Variants in L3HYPDH observed in about 807,000 individuals in gnomAD.
L3HYPDH encodes trans-3-hydroxy-L-proline dehydratase.
A neutral mutation model predicts 26.5 loss-of-function variants in L3HYPDH; 32 were observed. That is an observed-to-expected ratio of 1.21 (90% CI 0.91 to 1.62). The LOEUF is 1.62. Ranked by LOEUF, L3HYPDH falls within the 40% of genes most tolerant of loss-of-function variation. The probability of loss-of-function intolerance (pLI) is 0.00; values close to 1 mark genes in which losing one functional copy is unlikely to be tolerated. For missense variants in L3HYPDH, 554 were observed against 476.4 expected (o/e 1.16, Z -1.52); for synonymous variants, 215 against 196.6 (o/e 1.09, Z -0.78).
At chr14:59,492,853 G>A in the L3HYPDH span, among the ~76,000 whole-genome samples, 41 of 148,822 alleles carry the variant, frequency 2.8e-4, no homozygotes, top group Admixed American at 2.5e-3. Context: ...GCTGGAGTGC[G>A]GTGGTGCGAC....
the L3HYPDH span, among the ~76,000 whole-genome samples, chr14:59,495,557 G>A: frequency 1.3e-5 from 2 of 152,040 alleles, no homozygotes; most frequent in African/African-American, 4.8e-5. Context: ...CCAAATAAGT[G>A]TAATTTCTGT....
downstream of L3HYPDH, among the ~76,000 whole-genome samples, chr14:59,469,563 A>T (rs1382033770): frequency 1.8e-4 from 5 of 28,304 alleles, no homozygotes; most frequent in South Asian, 2.3e-3. Flanking sequence ...CTCATTAAAA[A>T]AAAAAAAAAA....
downstream of L3HYPDH, among the ~76,000 whole-genome samples, chr14:59,469,902 T>G (rs1889271690): frequency 6.6e-6 from 1 of 152,056 alleles, no homozygotes; most frequent in Non-Finnish European, 1.5e-5. Context: ...AATGTGACAA[T>G]TTAAGGACAG....
Position 59,473,016 on chromosome 14 carries a change from G to C in L3HYPDH, c.1014C>G (p.Ser338Arg), listed in dbSNP as rs1889369908. ...ATGGGTCGTCATCTTCTATTATAAA[G>C]CTTGCTGTACCCGTGTAATGGGCTT... ...SGQAHYTGTA[S>R]FIIEDDDPLR... The change falls in exon 5 of 5, where the codon AGC becomes AGG. Residue 338 changes from serine (S) to arginine (R), a missense_variant. Ser to Arg is a moderately radical substitution (Grantham distance 110). Coordinates refer to ENST00000247194, the MANE Select transcript of L3HYPDH (RefSeq NM_144581.2). The C allele has an allele frequency of 1.2e-6, 2 of 1,608,880 alleles. No individual in the cohort carries two copies. Among genetic ancestry groups the C allele is most frequent in the Non-Finnish European group, 1.7e-6 (2 of 1,177,954 alleles).
At chr14:59,504,617 A>G in the L3HYPDH span, 1,019 of 152,902 alleles carry the variant, frequency 6.7e-3, 7 homozygotes, top group Admixed American at 0.012. Flanking sequence ...AATAATTTAT[A>G]TAACAGGTTT....
At chr14:59,498,825 C>G in the L3HYPDH span, 3 of 1,612,712 alleles carry the variant, frequency 1.9e-6, no homozygotes, top group Non-Finnish European at 2.5e-6. Context: ...TTAGGGAAAT[C>G]TGATCGATTT....
chr14:59,490,839 C>A, the L3HYPDH span, among the ~76,000 whole-genome samples: 1 of 152,026 alleles, frequency 6.6e-6, no homozygotes, highest in African/African-American at 2.4e-5. Context: ...GTTCTCAGCC[C>A]ACAGTAAAGA....
intron 4 of L3HYPDH, 94 bp from the exon 5 acceptor site, chr14:59,473,184 A>G (rs142753429): frequency 5.7e-6 from 7 of 1,222,148 alleles, no homozygotes; most frequent in Non-Finnish European, 7.9e-6. Context: ...CATGTGAAGG[A>G]AAGGCCAAGG....
At chr14:59,484,949 G>A, upstream of L3HYPDH, 2 of 1,505,952 alleles carry the variant, frequency 1.3e-6, no homozygotes, top group East Asian at 2.3e-5. Context: ...GCAGAAGCAA[G>A]TTGCTGCATA....
the L3HYPDH span, among the ~76,000 whole-genome samples, chr14:59,502,505 C>T: frequency 6.6e-6 from 1 of 152,052 alleles, no homozygotes; most frequent in Non-Finnish European, 1.5e-5. Context: ...TGGGGGAAAA[C>T]ATCTAGGAAT....
intron 2 of L3HYPDH, among the ~76,000 whole-genome samples, chr14:59,476,820 A>C (rs989210985): frequency 6.6e-6 from 1 of 152,198 alleles, no homozygotes; most frequent in Non-Finnish European, 1.5e-5. Flanking sequence ...GCACACAAAG[A>C]AGCAGGCACT....
At chr14:59,489,882 C>G in the L3HYPDH span, among the ~76,000 whole-genome samples, 1 of 37,432 alleles carries the variant, frequency 2.7e-5, no homozygotes, top group Non-Finnish European at 4.8e-5. Flanking sequence ...GGAGGTACCT[C>G]TTTCTTTCAT....
At chr14:59,502,773 T>TTTTTGTTTTTTTTTTTTTTTTTTG in the L3HYPDH span, among the ~76,000 whole-genome samples, 1 of 102,836 alleles carries the variant, frequency 9.7e-6, no homozygotes, top group African/African-American at 3.9e-5. Context: ...TTTTTTTTTT[T>TTTTTGTTTTTTTTTTTTTTTTTTG]CGGAGTCTCA....
chr14:59,489,418 G>C, the L3HYPDH span, among the ~76,000 whole-genome samples: 1 of 152,214 alleles, frequency 6.6e-6, no homozygotes, highest in African/African-American at 2.4e-5. Context: ...CTTTACTACA[G>C]TTCCTGATAA....
intron 4 of L3HYPDH, among the ~76,000 whole-genome samples, 184 bp from the exon 5 acceptor site, chr14:59,473,274 G>C (rs528765225): frequency 5.3e-5 from 8 of 152,296 alleles, no homozygotes; most frequent in Non-Finnish European, 4.4e-5. Flanking sequence ...TAGCTGTAAA[G>C]TGGGGATCAA....
downstream of L3HYPDH, among the ~76,000 whole-genome samples, chr14:59,469,587 A>AAAAAG (rs1400712018): frequency 8.4e-6 from 1 of 119,582 alleles, no homozygotes; most frequent in African/African-American, 3.0e-5. Flanking sequence ...AAAAAAAAAA[A>AAAAAG]GGTTGGGGGG....
chr14:59,490,126 T>C, the L3HYPDH span, among the ~76,000 whole-genome samples: 4 of 152,066 alleles, frequency 2.6e-5, no homozygotes, highest in Non-Finnish European at 5.9e-5. Flanking sequence ...CTCTCTATGT[T>C]GCCCAGGCTG....
At chr14:59,474,394 G>A in intron 4 of L3HYPDH, 1 of 627,632 alleles carries the variant, frequency 1.6e-6, no homozygotes, top group Non-Finnish European at 2.8e-6. Context: ...TGCTTCCCAG[G>A]AGTGCCTTAT....
chr14:59,488,928 A>G (rs1006893290), upstream of L3HYPDH, among the ~76,000 whole-genome samples: 2 of 152,274 alleles, frequency 1.3e-5, no homozygotes, highest in African/African-American at 4.8e-5. Flanking sequence ...AGAGAAAAAT[A>G]AGGAAGACAG....
Sources: gnomAD v4.1 joint callset for allele counts (sites outside exome capture counted in the v4.1 genomes callset) on GRCh38, gnomAD v4.1.1 for gene constraint, MANE v1.5 for transcripts, NCBI Gene and HGNC (gene_info 2026-07-23, HGNC 2026-07-21) for gene names.